The following RBFOX1 variants were observed in gnomAD, a reference collection of about 807,000 sequenced individuals.
RBFOX1 encodes RNA binding fox-1 homolog 1, also known as RNA binding protein fox-1 homolog 1.
RBFOX1 carries 8 observed loss-of-function variants against 57.7 expected under a neutral mutation model. The observed-to-expected ratio is 0.14, with a 90% CI of 0.08 to 0.25. The LOEUF (loss-of-function observed/expected upper bound fraction) is 0.25. Ranked by LOEUF, RBFOX1 falls within the 10% of genes least tolerant of loss-of-function variation. RBFOX1 has a pLI of 1.00. For missense variants in RBFOX1, 611 were observed against 548.5 expected (o/e 1.11, Z -1.14); for synonymous variants, 326 against 222.4 (o/e 1.47, Z -4.15).
intron 3 of RBFOX1, among the ~76,000 whole-genome samples, chr16:6,757,701 A>G (rs1421440209): frequency 1.3e-5 from 2 of 152,160 alleles, no homozygotes; most frequent in Admixed American, 1.3e-4. Context: ...ACATATGGTT[A>G]GATAGGAGTG....
intron 3 of RBFOX1, among the ~76,000 whole-genome samples, chr16:6,947,843 C>A (rs953469828): frequency 6.6e-6 from 1 of 152,196 alleles, no homozygotes; most frequent in African/African-American, 2.4e-5. Flanking sequence ...GTCGTGCAAT[C>A]TTGGCTCACT....
intron 4 of RBFOX1, among the ~76,000 whole-genome samples, chr16:7,266,702 C>G (rs189311993): frequency 1.2e-4 from 19 of 152,072 alleles, no homozygotes; most frequent in Admixed American, 1.1e-3. Context: ...AGCTTACATT[C>G]TTTATATTTG....
chr16:5,776,597 A>T (rs1393840788), intron 3 of RBFOX1, among the ~76,000 whole-genome samples: 2 of 152,252 alleles, frequency 1.3e-5, no homozygotes, highest in African/African-American at 4.8e-5. Flanking sequence ...TATTATGAAG[A>T]ACGAATGTGG....
chr16:6,059,778 A>G (rs1278268932), intron 1 of RBFOX1, among the ~76,000 whole-genome samples: 1 of 152,172 alleles, frequency 6.6e-6, no homozygotes, highest in Non-Finnish European at 1.5e-5. Context: ...CAGATAATGT[A>G]CATTTCACAA....
At chr16:6,310,906 A>AG (rs1281258182) in intron 1 of RBFOX1, among the ~76,000 whole-genome samples, 1 of 68,278 alleles carries the variant, frequency 1.5e-5, no homozygotes, top group Non-Finnish European at 2.5e-5. Flanking sequence ...TGGTTTAAAA[A>AG]AAAAAAAAAA....
intron 2 of RBFOX1, among the ~76,000 whole-genome samples, chr16:6,480,621 G>C (rs534271972): frequency 1.4e-4 from 22 of 152,262 alleles, no homozygotes; most frequent in Non-Finnish European, 7.4e-5. Flanking sequence ...TTCTGTTTTG[G>C]ACTGTTCCCA....
At chr16:5,463,067 C>T (rs1366638546) in intron 1 of RBFOX1, among the ~76,000 whole-genome samples, 1 of 152,162 alleles carries the variant, frequency 6.6e-6, no homozygotes. Context: ...TGTATATATA[C>T]ATAGATGATA....
chr16:7,395,184 G>A (rs1229157954), intron 4 of RBFOX1, among the ~76,000 whole-genome samples: 1 of 148,298 alleles, frequency 6.7e-6, no homozygotes, highest in African/African-American at 2.5e-5. Flanking sequence ...TTCCCTGACA[G>A]CCAAGACCTA....
intron 4 of RBFOX1, among the ~76,000 whole-genome samples, chr16:7,433,375 C>T (rs2098697370): frequency 6.6e-6 from 1 of 152,152 alleles, no homozygotes. Context: ...TTTTCTCCTC[C>T]CCACGTCATC....
chr16:5,804,611 C>T (rs1156719637), intron 3 of RBFOX1, among the ~76,000 whole-genome samples: 1 of 152,096 alleles, frequency 6.6e-6, no homozygotes, highest in East Asian at 1.9e-4. Flanking sequence ...CCTCTGTGTG[C>T]TGCATGACTG....
intron 1 of RBFOX1, among the ~76,000 whole-genome samples, chr16:5,465,944 C>A (rs542658877): frequency 1.3e-5 from 2 of 152,106 alleles, no homozygotes; most frequent in East Asian, 1.9e-4. Context: ...TGGGTAAGCT[C>A]CCAGGGGCAC....
chr16:6,364,315 C>G (rs2089177287), intron 2 of RBFOX1, among the ~76,000 whole-genome samples: 1 of 152,168 alleles, frequency 6.6e-6, no homozygotes, highest in Non-Finnish European at 1.5e-5. Context: ...TATGTTTTAT[C>G]TTGCATTTTC....
chr16:5,733,747 C>T (rs903303388), intron 3 of RBFOX1, among the ~76,000 whole-genome samples: 4 of 151,998 alleles, frequency 2.6e-5, no homozygotes, highest in African/African-American at 7.3e-5. Flanking sequence ...TCTCTTCTTT[C>T]CTGTTTTTCT....
intron 4 of RBFOX1, among the ~76,000 whole-genome samples, chr16:7,087,618 G>A (rs947362759): frequency 6.6e-6 from 1 of 151,942 alleles, no homozygotes; most frequent in African/African-American, 2.4e-5. Context: ...GAGAGAGGCA[G>A]CCAGAAGCAA....
chr16:7,143,713 A>T (rs2074321891), intron 4 of RBFOX1, among the ~76,000 whole-genome samples: 1 of 152,064 alleles, frequency 6.6e-6, no homozygotes, highest in Admixed American at 6.6e-5. Flanking sequence ...AAAGTCCTTC[A>T]TTTGATCATA....
At chr16:6,997,701 G>C (rs1186861118) in intron 3 of RBFOX1, among the ~76,000 whole-genome samples, 1 of 152,130 alleles carries the variant, frequency 6.6e-6, no homozygotes, top group Non-Finnish European at 1.5e-5. Context: ...AAAACTTTTG[G>C]TTAATGATTA....
intron 2 of RBFOX1, among the ~76,000 whole-genome samples, chr16:6,335,867 G>A (rs2083588101): frequency 6.7e-6 from 1 of 150,148 alleles, no homozygotes; most frequent in Non-Finnish European, 1.5e-5. Context: ...CAGAGAACCT[G>A]CATTGTGATA....
intron 2 of RBFOX1, among the ~76,000 whole-genome samples, chr16:5,528,839 G>C (rs902710023): frequency 2.6e-5 from 4 of 152,040 alleles, no homozygotes; most frequent in African/African-American, 9.7e-5. Flanking sequence ...TAGTAAAGGT[G>C]AGGTTTCACC....
At chr16:6,503,154 G>A (rs2095987877) in intron 2 of RBFOX1, among the ~76,000 whole-genome samples, 1 of 152,064 alleles carries the variant, frequency 6.6e-6, no homozygotes, top group Non-Finnish European at 1.5e-5. Flanking sequence ...CATGGTAGGA[G>A]CATACTACCA....
Sources: allele counts gnomAD v4.1 joint callset (sites outside exome capture counted in the v4.1 genomes callset), GRCh38; gene constraint gnomAD v4.1.1; transcripts MANE v1.5; gene names NCBI Gene and HGNC (gene_info 2026-07-23, HGNC 2026-07-21).